Variants in TAL1 observed in about 807,000 individuals in gnomAD.
TAL1 encodes T-cell acute lymphocytic leukemia protein 1.
A neutral mutation model predicts 17.9 loss-of-function variants in TAL1; 8 were observed. The observed-to-expected ratio is 0.45, with a 90% CI of 0.26 to 0.81. The LOEUF is 0.81. Among genes scored for constraint, TAL1 ranks in the 30% least tolerant of loss-of-function variants. TAL1 has a pLI of 0.17. For missense variants in TAL1, 466 were observed against 486.9 expected (o/e 0.96, Z 0.40); for synonymous variants, 223 against 218.6 (o/e 1.02, Z -0.18).
At chr1:47,231,991 CG>C (rs1553165864), upstream of TAL1, among the ~76,000 whole-genome samples, 3 of 151,408 alleles carry the variant, frequency 2.0e-5, no homozygotes, top group Admixed American at 6.6e-5. Flanking sequence ...GCAGCCGGGG[CG>C]GGGGCGTCCG....
At chr1:47,222,362 CCT>C (rs764562482) in intron 3 of TAL1, among the ~76,000 whole-genome samples, 2 of 152,128 alleles carry the variant, frequency 1.3e-5, no homozygotes, top group East Asian at 1.9e-4. Context: ...AGCTGGGTAA[CCT>C]CTCTCAGCCT....
chr1:47,223,041 T>A (rs577520417), intron 3 of TAL1, among the ~76,000 whole-genome samples: 112 of 152,252 alleles, frequency 7.4e-4, no homozygotes, highest in African/African-American at 2.2e-3. Context: ...TTTTCTGTTG[T>A]GCAGATCCCA....
In TAL1 at chr1:47,225,632, T is replaced by C. The variant is rs975592160; in HGVS notation, c.257A>G (p.His86Arg). Reference sequence around the variant, plus strand: ...GCACAGCTCGGTGGTGGGCACCCGATGGCGCGCTTCGGCCGTCGCCGCGTC... The same window carrying C: ...GCACAGCTCGGTGGTGGGCACCCGACGGCGCGCTTCGGCCGTCGCCGCGTC... Residue 86 changes from histidine to arginine, a missense_variant, in exon 2 of 4, where the codon CAT becomes CGT. His to Arg is a conservative substitution (Grantham distance 29). Transcript: ENST00000294339. 8 of 1,383,952 alleles carry C rather than the reference T, an allele frequency of 5.8e-6. No individual in the cohort carries two copies. Among genetic ancestry groups the C allele is most frequent in the East Asian group, 6.2e-5 (2 of 32,256 alleles). The allele number at this position is 1,383,952 out of a possible 1,614,324, so 85.7% of individuals were successfully genotyped here. A position where few individuals can be genotyped will look rare whatever the true frequency, so the allele number is the denominator to read the frequency against.
At position 47,219,725 on chromosome 1, in the gene TAL1, G is replaced by A. The variant is rs778116882; in HGVS notation, c.991C>T (p.Arg331Trp). The A allele has an allele frequency of 4.4e-6, 7 of 1,609,184 alleles. No individual in the cohort carries two copies. The highest frequency in any genetic ancestry group is 1.7e-5 in the Admixed American group (1 of 60,004). ...ATCCTGGTGGCCCAGACCCATCACC[G>A]AGGGCCGGCTCCATCGGCGGCAGGC... The change falls in exon 4 of 4, where the codon CGG becomes TGG. Residue 331 changes from arginine to tryptophan, a missense_variant. By Grantham distance (101) the Arg-to-Trp change is moderately radical. Coordinates refer to ENST00000294339, the Ensembl canonical transcript of TAL1.
exon 4 of TAL1, chr1:47,219,783 C>A (rs927462): frequency 2.5e-6 from 4 of 1,611,706 alleles, no homozygotes; most frequent in Non-Finnish European, 3.4e-6. Context: ...GGGCCGTGTG[C>A]TTGGGCGCGG....
At chr1:47,230,758 G>A (rs923313280), upstream of TAL1, 4 of 152,204 alleles carry the variant, frequency 2.6e-5, no homozygotes, top group African/African-American at 9.7e-5. Context: ...TGACGATTGT[G>A]ATGGTGATGG....
intron 1 of TAL1, chr1:47,227,364 A>C (rs951708895): frequency 7.2e-5 from 11 of 152,244 alleles, no homozygotes; most frequent in Non-Finnish European, 4.4e-5. Context: ...AGAAGAAAAC[A>C]AATACAAAAA....
At chr1:47,225,517 G>C (rs1295970442) in exon 2 of TAL1, 68 of 1,237,062 alleles carry the variant, frequency 5.5e-5, no homozygotes, top group Middle Eastern at 3.1e-4. Flanking sequence ...CAGCCAGCGC[G>C]GGAGGACTCA....
In TAL1 at chr1:47,223,655, G is replaced by A. The variant is rs1403066365; in HGVS notation, c.541+349C>T. ...GGATCGGGGGACACTGTGTGATTCT[G>A]CGCCCACTTGGGATCCTTGCCAAAG... On this transcript the variant is annotated intron_variant, in intron 3 of 3. Transcript: ENST00000294339. The A allele has an allele frequency of 1.5e-5, 3 of 199,932 alleles. No individual in the cohort carries two copies. The Admixed American group carries it at 1.6e-4, about 11-fold the overall frequency. The allele number at this position is 199,932 out of a possible 1,614,324, so 12.4% of individuals were successfully genotyped here. A position where few individuals can be genotyped will look rare whatever the true frequency, so the allele number is the denominator to read the frequency against.
chr1:47,224,023 A>G, exon 3 of TAL1: 11 of 1,613,500 alleles, frequency 6.8e-6, no homozygotes, highest in Non-Finnish European at 9.3e-6. Context: ...TCTCCATCTC[A>G]TAGGGGGAAG....
chr1:47,231,018 A>C (rs1644003466), upstream of TAL1: 2 of 153,148 alleles, frequency 1.3e-5, no homozygotes. Context: ...TCTCCCTTGG[A>C]GCCCGGCGGC....
chr1:47,225,993 C>G, intron 1 of TAL1, 104 bp from the exon 3 acceptor site: 2 of 1,234,844 alleles, frequency 1.6e-6, no homozygotes, highest in Non-Finnish European at 2.1e-6. Context: ...GAGGAACTCA[C>G]GCACCGAGAC....
intron 1 of TAL1, among the ~76,000 whole-genome samples, chr1:47,226,623 G>A (rs1331005425): frequency 6.6e-6 from 1 of 152,198 alleles, no homozygotes; most frequent in African/African-American, 2.4e-5. Flanking sequence ...CCGCCCAGCG[G>A]ATCTTTACTC....
exon 4 of TAL1, chr1:47,219,504 A>G: frequency 1.3e-6 from 1 of 762,490 alleles, no homozygotes; most frequent in Non-Finnish European, 2.3e-6. Context: ...AAAAGTACCT[A>G]CCACTTTGCT....
rs1335047134 is a variant in TAL1, at chr1:47,225,379, C to G, written c.446+64G>C. ...CCGCCGCCGATGTGTAGAAGGAAACCCCGGTGGGGGTGGTCGCCCTGCCCA... is the reference window on the plus strand; with the variant it reads ...CCGCCGCCGATGTGTAGAAGGAAACGCCGGTGGGGGTGGTCGCCCTGCCCA... On this transcript the variant is annotated intron_variant, in intron 2 of 3. Coordinates refer to ENST00000294339, the Ensembl canonical transcript of TAL1. The G allele has an allele frequency of 4.1e-6, 5 of 1,217,358 alleles. No individual in the cohort carries two copies. In the East Asian group the frequency reaches 1.3e-4, roughly 31 times the overall value. The allele number at this position is 1,217,358 out of a possible 1,614,324, so 75.4% of individuals were successfully genotyped here.
At chr1:47,216,933 G>T in exon 4 of TAL1, 1 of 232,258 alleles carries the variant, frequency 4.3e-6, no homozygotes, top group Middle Eastern at 1.3e-3. Flanking sequence ...AAAAATTACA[G>T]ATCTTCTTTA....
chr1:47,225,525 T>G, exon 2 of TAL1: 1 of 1,239,070 alleles, frequency 8.1e-7, no homozygotes, highest in Non-Finnish European at 1.0e-6. Flanking sequence ...GCGGGAGGAC[T>G]CAGCTGCACC....
chr1:47,230,708 G>T (rs984622085), upstream of TAL1: 1 of 152,200 alleles, frequency 6.6e-6, no homozygotes, highest in African/African-American at 2.4e-5. Flanking sequence ...AAACTGCTGC[G>T]CTCTGGGATG....
chr1:47,225,378 C>A (rs1210836107), intron 2 of TAL1, 65 bp downstream of exon 3: 3 of 1,216,322 alleles, frequency 2.5e-6, no homozygotes, highest in African/African-American at 3.1e-5. Flanking sequence ...TAGAAGGAAA[C>A]CCCGGTGGGG....
Sources: allele counts gnomAD v4.1 joint callset (sites outside exome capture counted in the v4.1 genomes callset), GRCh38; gene constraint gnomAD v4.1.1; transcripts MANE v1.5; gene names NCBI Gene and HGNC (gene_info 2026-07-23, HGNC 2026-07-21).